SPAG1: variants seen among roughly 807,000 people sequenced by gnomAD.
The protein encoded by SPAG1 is sperm associated antigen 1.
A neutral mutation model predicts 100.5 loss-of-function variants in SPAG1; 69 were observed. The observed-to-expected ratio is 0.69, with a 90% CI of 0.57 to 0.84. The LOEUF (loss-of-function observed/expected upper bound fraction) is 0.84. SPAG1 is among the 40% of genes least tolerant of loss of function. The pLI, the probability that SPAG1 is intolerant of heterozygous loss-of-function variation, is 0.00. For synonymous variants in SPAG1, 336 were observed against 411.6 expected, an observed-to-expected ratio of 0.82 and a Z score of 2.22; for missense variants, 955 against 1,133.1, an observed-to-expected ratio of 0.84 and a Z score of 2.26.
chr8:100,158,789 C>T (rs2132172145), intron 1 of SPAG1, 173 bp downstream of exon 1: 1 of 151,986 alleles, frequency 6.6e-6, no homozygotes, highest in Non-Finnish European at 1.5e-5. Flanking sequence ...GATGGACATT[C>T]AGTAGTCTTG....
chr8:100,201,583 G>C (rs1012545392), intron 10 of SPAG1, among the ~76,000 whole-genome samples: 1 of 152,180 alleles, frequency 6.6e-6, no homozygotes, highest in African/African-American at 2.4e-5. Context: ...TTTGGTCATA[G>C]TTCCTGATTT....
chr8:100,175,390 T>G (rs922485162), intron 3 of SPAG1, among the ~76,000 whole-genome samples: 2 of 150,096 alleles, frequency 1.3e-5, no homozygotes, highest in African/African-American at 4.9e-5. Context: ...GTTCACACCA[T>G]TCTCCTGCCT....
chr8:100,240,475 G>A lies in SPAG1; in HGVS notation c.2353G>A (p.Gly785Arg), dbSNP rs1166537177. 17 of 1,613,916 alleles carry A rather than the reference G, an allele frequency of 1.1e-5. No individual in the cohort carries two copies. Among genetic ancestry groups the A allele is most frequent in the Non-Finnish European group, 1.4e-5 (17 of 1,179,944 alleles). ...CATGGGATGCCTTGCTTCTGAGAAG[G>A]GAGGCAAAAGCAGCAGGTCACCAGA... is the stretch of plus-strand genomic sequence containing the variant. ...VSMGCLASEK[G>R]GKSSRSPEDP... Residue 785 changes from glycine to arginine, a missense_variant, in exon 18 of 19, where the codon GGA becomes AGA. Gly to Arg is a moderately radical substitution (Grantham distance 125, BLOSUM62 -2). Coordinates refer to ENST00000388798, the MANE Select transcript of SPAG1 (RefSeq NM_003114.5).
chr8:100,215,570 G>A (rs1484114885), intron 12 of SPAG1, among the ~76,000 whole-genome samples: 2 of 152,142 alleles, frequency 1.3e-5, no homozygotes, highest in South Asian at 2.1e-4. Context: ...ACAGAGTCTC[G>A]CTCTGTTGCC....
At chr8:100,200,227 G>C (rs1233257669) in intron 10 of SPAG1, among the ~76,000 whole-genome samples, 1 of 152,146 alleles carries the variant, frequency 6.6e-6, no homozygotes, top group African/African-American at 2.4e-5. Flanking sequence ...ATAGTTTGCT[G>C]AGAATGATGG....
chr8:100,220,445 G>A lies in SPAG1; in HGVS notation c.1688+14G>A. On this transcript the variant is annotated intron_variant, in intron 13 of 18. Transcript: ENST00000388798. ...CAGTGTTAACAGGTAATTAATCTGA[G>A]GCAGCTACCTAAAATCTAGTTGTTT... 1 of 1,599,150 alleles carries A rather than the reference G, an allele frequency of 6.3e-7. No individual in the cohort carries two copies. The highest frequency in any genetic ancestry group is 8.5e-7 in the Non-Finnish European group (1 of 1,174,428).
intron 3 of SPAG1, among the ~76,000 whole-genome samples, chr8:100,166,848 C>T (rs1370207390): frequency 1.3e-5 from 2 of 151,974 alleles, no homozygotes; most frequent in East Asian, 1.9e-4. Context: ...CCGAGGCTGC[C>T]GTGAGCTGTG....
chr8:100,177,987 C>A (rs750002953), intron 4 of SPAG1, 46 bp downstream of exon 4: 1 of 1,563,878 alleles, frequency 6.4e-7, no homozygotes, highest in Non-Finnish European at 8.7e-7. Context: ...GAGAGGATTG[C>A]TGCTGTTTAT....
At chr8:100,191,356 A>G (rs745712295) in intron 8 of SPAG1, 34 bp from the exon 9 acceptor site, 1 of 1,461,222 alleles carries the variant, frequency 6.8e-7, no homozygotes, top group Non-Finnish European at 9.6e-7. Context: ...GCCACATATT[A>G]AAAAACATAA....
intron 1 of SPAG1, among the ~76,000 whole-genome samples, chr8:100,160,172 C>A (rs1815244368): frequency 6.6e-6 from 1 of 152,174 alleles, no homozygotes; most frequent in Admixed American, 6.5e-5. Context: ...TTCTCCAAGA[C>A]CTCCTTATTC....
At chr8:100,238,890 T>G (rs1056694812) in intron 16 of SPAG1, among the ~76,000 whole-genome samples, 2 of 152,220 alleles carry the variant, frequency 1.3e-5, no homozygotes, top group Non-Finnish European at 2.9e-5. Flanking sequence ...TAAGTTTCAT[T>G]GCTAGTAGGT....
intron 10 of SPAG1, among the ~76,000 whole-genome samples, chr8:100,204,333 C>A (rs901295027): frequency 2.6e-5 from 4 of 152,084 alleles, no homozygotes; most frequent in African/African-American, 9.7e-5. Flanking sequence ...GCGCTACACT[C>A]AAAAATAACT....
chr8:100,179,476 G>C (rs1386688395), intron 4 of SPAG1, among the ~76,000 whole-genome samples: 1 of 152,166 alleles, frequency 6.6e-6, no homozygotes, highest in Non-Finnish European at 1.5e-5. Context: ...GGAGCAATGG[G>C]GTGGATGGAC....
Position 100,191,506 on chromosome 8 carries a change from G to A in SPAG1, c.939+10G>A. 6.4e-7 allele frequency: 1 copy of A among 1,564,998 alleles called. No homozygotes were observed. Among genetic ancestry groups the A allele is most frequent in the Admixed American group, 1.7e-5 (1 of 59,082 alleles). ...TAATGATTTGGCCAAGGTAAGTATA[G>A]AATGTGATTTCTCACCTAATTCTGT... On this transcript the variant is annotated intron_variant, in intron 9 of 18. Coordinates refer to ENST00000388798, the MANE Select transcript of SPAG1 (RefSeq NM_003114.5).
At chr8:100,185,510 T>C (rs2132263319) in intron 7 of SPAG1, among the ~76,000 whole-genome samples, 1 of 152,324 alleles carries the variant, frequency 6.6e-6, no homozygotes, top group South Asian at 2.1e-4. Context: ...GTAAGATTTG[T>C]AACAGCAGAA....
intron 10 of SPAG1, among the ~76,000 whole-genome samples, chr8:100,212,749 G>C (rs1447233705): frequency 6.6e-6 from 1 of 152,240 alleles, no homozygotes; most frequent in Admixed American, 6.5e-5. Flanking sequence ...TACGTATTTT[G>C]TAAGCTCACC....
At chr8:100,177,106 T>C (rs1261839944) in intron 3 of SPAG1, among the ~76,000 whole-genome samples, 1 of 152,110 alleles carries the variant, frequency 6.6e-6, no homozygotes, top group Non-Finnish European at 1.5e-5. Context: ...TCTCTCTGCT[T>C]CTTGGGAGCA....
At chr8:100,172,052 G>A (rs906825623) in intron 3 of SPAG1, among the ~76,000 whole-genome samples, 7 of 151,704 alleles carry the variant, frequency 4.6e-5, no homozygotes, top group African/African-American at 1.7e-4. Context: ...GTGCCACCGC[G>A]CCCAGCTAAT....
chr8:100,234,134 G>C (rs1001656479), intron 16 of SPAG1, among the ~76,000 whole-genome samples: 3 of 152,286 alleles, frequency 2.0e-5, no homozygotes, highest in Admixed American at 2.0e-4. Flanking sequence ...CCTGAGGAAT[G>C]AATGTTCATA....
Sources: allele counts gnomAD v4.1 joint callset (sites outside exome capture counted in the v4.1 genomes callset), GRCh38; gene constraint gnomAD v4.1.1; transcripts MANE v1.5; gene names NCBI Gene and HGNC (gene_info 2026-07-23, HGNC 2026-07-21).